The following RIC1 variants were observed in gnomAD, a reference collection of about 807,000 sequenced individuals.
RIC1 encodes the protein RIC1 partner of RAB6A GEF complex.
A neutral mutation model predicts 169.0 loss-of-function variants in RIC1; 88 were observed. The observed-to-expected ratio is 0.52, with a 90% CI of 0.44 to 0.62. The LOEUF is 0.62. Among genes scored for constraint, RIC1 ranks in the 20% least tolerant of loss-of-function variants. The probability of loss-of-function intolerance (pLI) is 0.00; values close to 1 mark genes in which losing one functional copy is unlikely to be tolerated. For synonymous variants in RIC1, 790 were observed against 601.5 expected, an observed-to-expected ratio of 1.31 and a Z score of -4.59; for missense variants, 1,877 against 1,725.5, an observed-to-expected ratio of 1.09 and a Z score of -1.56.
chr9:5,770,531 A>T (rs1827138108), intron 23 of RIC1, among the ~76,000 whole-genome samples: 1 of 152,224 alleles, frequency 6.6e-6, no homozygotes, highest in South Asian at 2.1e-4. Context: ...ATCAATTTTG[A>T]TGATAAGGAA....
chr9:5,708,595 T>C (rs1822742867), intron 3 of RIC1, among the ~76,000 whole-genome samples: 1 of 152,140 alleles, frequency 6.6e-6, no homozygotes, highest in African/African-American at 2.4e-5. Flanking sequence ...GCCTCCATGG[T>C]TTCCTATGAA....
rs1337910968 is a variant in RIC1 at position 5,630,555 on chromosome 9, G to C, written c.144+1102G>C. 1.3e-5 allele frequency among the ~76,000 whole-genome samples: 2 copies of C among 152,208 alleles called. 1 individual carries two copies. The highest frequency in any genetic ancestry group is 3.8e-4 in the East Asian group (2 of 5,204). ...CACCCACTTCCCTGGTAATACTGGT[G>C]ATGGGATTTAGTGACGGGTAATTCT... On this transcript the variant is annotated intron_variant, in intron 1 of 25. Transcript: ENST00000414202.
At chr9:5,698,255 C>T (rs187456501) in intron 3 of RIC1, among the ~76,000 whole-genome samples, 4 of 152,164 alleles carry the variant, frequency 2.6e-5, no homozygotes, top group African/African-American at 9.7e-5. Context: ...TAAAAGCAGT[C>T]TTCTTTTCTT....
In RIC1 at chr9:5,675,940, A is replaced by C. The variant is rs72689480; in HGVS notation, c.253-14019A>C. Among the ~76,000 whole-genome samples the C allele has an allele frequency of 9.8e-3, 1,492 of 152,352 alleles. 8 individuals are homozygous for C. The highest frequency in any genetic ancestry group is 0.016 in the Non-Finnish European group (1,073 of 68,034). On this transcript the variant is annotated intron_variant, in intron 2 of 25. Transcript: ENST00000414202. ...TTGCAAAAATAACAATGAGAAAATTATGACAGTAAAAGAAATCTAATCTAA... is the reference window on the plus strand; with the variant it reads ...TTGCAAAAATAACAATGAGAAAATTCTGACAGTAAAAGAAATCTAATCTAA...
rs376161004 is a variant in RIC1, at chr9:5,773,955, T to A, written c.3984-3T>A. On this transcript the variant is annotated splice_region_variant and splice_polypyrimidine_tract_variant and intron_variant, in intron 25 of 25. Coordinates refer to ENST00000414202, the MANE Select transcript of RIC1 (RefSeq NM_020829.4). ...TGAGCTAATGTTTTTTTTCTCTACA[T>A]AGTCCTGGATATAAGCCATTTTTAA... 2 of 1,582,154 alleles carry A rather than the reference T, an allele frequency of 1.3e-6. No individual in the cohort carries two copies. Among genetic ancestry groups the A allele is most frequent in the Non-Finnish European group, 1.7e-6 (2 of 1,165,978 alleles).
chr9:5,762,471 G>A, intron 17 of RIC1, 70 bp from the exon 18 acceptor site: 1 of 1,573,510 alleles, frequency 6.4e-7, no homozygotes, highest in Non-Finnish European at 8.7e-7. Context: ...AAACCTTATG[G>A]ATTGGGGGGA....
chr9:5,683,106 C>G (rs574921095), intron 2 of RIC1, among the ~76,000 whole-genome samples: 1 of 149,942 alleles, frequency 6.7e-6, no homozygotes, highest in Non-Finnish European at 1.5e-5. Flanking sequence ...GCCATTGGTT[C>G]GCACAGAGTA....
chr9:5,710,180 T>G (rs1822850745), intron 3 of RIC1, among the ~76,000 whole-genome samples: 1 of 152,170 alleles, frequency 6.6e-6, no homozygotes, highest in African/African-American at 2.4e-5. Flanking sequence ...TCAGAAAGGC[T>G]TAGAGCTTAG....
At chr9:5,631,299 A>T (rs1817703008) in intron 1 of RIC1, among the ~76,000 whole-genome samples, 1 of 152,098 alleles carries the variant, frequency 6.6e-6, no homozygotes, top group Non-Finnish European at 1.5e-5. Flanking sequence ...CCCTACTATT[A>T]AGTTCTGTTG....
intron 18 of RIC1, 152 bp downstream of exon 18, chr9:5,762,812 G>T (rs1219994673): frequency 9.9e-7 from 1 of 1,006,696 alleles, no homozygotes; most frequent in African/African-American, 1.6e-5. Context: ...GTGTAAGACT[G>T]ACTGACTGGA....
chr9:5,651,571 T>TTA (rs1169785794), intron 1 of RIC1, among the ~76,000 whole-genome samples: 81 of 148,798 alleles, frequency 5.4e-4, no homozygotes, highest in Non-Finnish European at 1.1e-3. Context: ...TTTTTTTTTT[T>TTA]TTTTTTTTTA....
intron 8 of RIC1, among the ~76,000 whole-genome samples, chr9:5,739,577 G>A (rs932231333): frequency 1.6e-4 from 24 of 152,176 alleles, no homozygotes; most frequent in African/African-American, 5.8e-4. Context: ...GAAGCAAACA[G>A]AGGTGTTGGG....
At chr9:5,676,659 G>A (rs761047530) in intron 2 of RIC1, among the ~76,000 whole-genome samples, 4 of 152,074 alleles carry the variant, frequency 2.6e-5, no homozygotes, top group Admixed American at 1.3e-4. Context: ...AAATCTCACT[G>A]GCACTTTTTT....
chr9:5,720,746 C>T lies in RIC1; in HGVS notation c.716C>T (p.Ala239Val). The change falls in exon 6 of 26, where the codon GCA (alanine) becomes GTA (valine). Residue 239 changes from alanine (A) to valine (V), a missense_variant. Transcript: ENST00000414202. Reference protein sequence around the residue: ...FITPVSSRFTAEQLHGVWPQD... With the variant: ...FITPVSSRFTVEQLHGVWPQD... ...ACACCAGTGTCAAGTAGATTTACTG[C>T]AGAGGTATGACTTATTTACTTTGAA... 6.2e-7 allele frequency: 1 copy of T among 1,603,206 alleles called. No homozygotes were observed. The highest frequency in any genetic ancestry group is 8.5e-7 in the Non-Finnish European group (1 of 1,175,840).
chr9:5,727,833 C>T (rs868480306), intron 6 of RIC1, among the ~76,000 whole-genome samples: 11 of 152,348 alleles, frequency 7.2e-5, no homozygotes, highest in Admixed American at 2.6e-4. Context: ...GCCTGGGTAT[C>T]ACTAGCGGAG....
chr9:5,644,804 A>G (rs1346534129), intron 1 of RIC1, among the ~76,000 whole-genome samples: 1 of 152,208 alleles, frequency 6.6e-6, no homozygotes, highest in Non-Finnish European at 1.5e-5. Context: ...ACTAAGTCAT[A>G]TGGCAAGTTT....
chr9:5,736,787 A>G (rs541373018), intron 7 of RIC1, among the ~76,000 whole-genome samples: 1 of 152,278 alleles, frequency 6.6e-6, no homozygotes, highest in Non-Finnish European at 1.5e-5. Flanking sequence ...AACTTGAAAA[A>G]CAGAAATTAT....
chr9:5,758,981 G>T (rs1237049978), intron 17 of RIC1, among the ~76,000 whole-genome samples: 1 of 152,044 alleles, frequency 6.6e-6, no homozygotes, highest in Non-Finnish European at 1.5e-5. Flanking sequence ...TTGACCTCAT[G>T]ATCTGCCCAC....
chr9:5,698,990 A>C (rs1373211569), intron 3 of RIC1, among the ~76,000 whole-genome samples: 1 of 152,236 alleles, frequency 6.6e-6, no homozygotes, highest in Non-Finnish European at 1.5e-5. Context: ...CAAGTCTCAG[A>C]TTGAGTCATG....
Sources: allele counts gnomAD v4.1 joint callset (sites outside exome capture counted in the v4.1 genomes callset), GRCh38; gene constraint gnomAD v4.1.1; transcripts MANE v1.5; gene names NCBI Gene and HGNC (gene_info 2026-07-23, HGNC 2026-07-21).